The following TGFBR2 variants were observed in gnomAD, a reference collection of about 807,000 sequenced individuals.
The protein encoded by TGFBR2 is TGF-beta receptor type-2.
Under a neutral mutation model 49.0 loss-of-function variants are expected in TGFBR2, and 18 were observed. The observed-to-expected ratio is 0.37, with a 90% confidence interval of 0.25 to 0.54. TGFBR2 has a LOEUF of 0.54. TGFBR2 is among the 20% of genes least tolerant of loss of function. The pLI is 0.85. For missense variants in TGFBR2, 525 were observed against 722.6 expected, an observed-to-expected ratio of 0.73 and a Z score of 3.13; for synonymous variants, 282 against 275.9, an observed-to-expected ratio of 1.02 and a Z score of -0.22.
At chr3:30,626,237 A>G (rs2060859450) in intron 1 of TGFBR2, among the ~76,000 whole-genome samples, 1 of 152,232 alleles carries the variant, frequency 6.6e-6, no homozygotes, top group South Asian at 2.1e-4. Flanking sequence ...TACTGGGTTG[A>G]AAACTCCCAT....
At position 30,672,940 on chromosome 3, in the gene TGFBR2, G is replaced by A. The variant is rs759915690; in HGVS notation, c.1254+503G>A. Among the ~76,000 whole-genome samples, 2 of 152,158 alleles carry A rather than the reference G, an allele frequency of 1.3e-5. No homozygotes were observed. Among genetic ancestry groups the A allele is most frequent in the South Asian group, 2.1e-4 (1 of 4,820 alleles). On this transcript the variant is annotated intron_variant, in intron 4 of 6. Coordinates refer to ENST00000295754, the MANE Select transcript of TGFBR2 (RefSeq NM_003242.6). The surrounding 1 kb of genome is among the most constrained non-coding windows in gnomAD (Gnocchi z 4.5). ...ATTGAAAGTAAAATAAGTACTTGTCGACTGAGTGAGCACTTCCACTCTTGA... is the reference window on the plus strand; with the variant it reads ...ATTGAAAGTAAAATAAGTACTTGTCAACTGAGTGAGCACTTCCACTCTTGA...
intron 1 of TGFBR2, among the ~76,000 whole-genome samples, chr3:30,632,436 ACT>A (rs1698455372): frequency 6.6e-6 from 1 of 152,132 alleles, no homozygotes; most frequent in Non-Finnish European, 1.5e-5. Context: ...GATCCTAAAC[ACT>A]CTTGGCAACT....
At position 30,606,889 on chromosome 3, in the gene TGFBR2, T is replaced by C. The variant is rs758864131; in HGVS notation, c.6T>C (p.Gly2=). Residue 2 remains glycine, a synonymous_variant, in exon 1 of 7, where the codon GGT becomes GGC. Transcript: ENST00000295754. The part of the protein sequence containing the change: M[G]RGLLRGLWPL... ...GACGAGCAGCGGGGTCTGCCATGGGTCGGGGGCTGCTCAGGGGCCTGTGGC... is the reference window on the plus strand; with the variant it reads ...GACGAGCAGCGGGGTCTGCCATGGGCCGGGGGCTGCTCAGGGGCCTGTGGC... 31 of 1,568,904 alleles carry C rather than the reference T, an allele frequency of 2.0e-5. No homozygotes were observed. Among genetic ancestry groups the C allele is most frequent in the Non-Finnish European group, 2.5e-5 (29 of 1,154,560 alleles).
chr3:30,636,832 AG>A (rs1698542937), intron 1 of TGFBR2, among the ~76,000 whole-genome samples: 1 of 151,996 alleles, frequency 6.6e-6, no homozygotes, highest in African/African-American at 2.4e-5. Flanking sequence ...TGGGAGGCCA[AG>A]GTGGGCAGAT....
intron 4 of TGFBR2, 80 bp from the exon 5 acceptor site, chr3:30,674,025 G>T (rs1417657284): frequency 1.9e-6 from 3 of 1,571,322 alleles, no homozygotes; most frequent in African/African-American, 2.7e-5. Context: ...CACGTGTCAG[G>T]GGCCACCATC....
rs764512230 is a variant in TGFBR2 at position 30,692,135 on chromosome 3, C to T, written c.*536C>T. Reference sequence around the variant, plus strand: ...AGTGAACTTTGCATGAGGAAAGAGGCTCCATGTCTCACAGCCAGCTATGAC... The same window carrying T: ...AGTGAACTTTGCATGAGGAAAGAGGTTCCATGTCTCACAGCCAGCTATGAC... On this transcript the variant is annotated 3_prime_UTR_variant, in exon 7 of 7. Transcript: ENST00000295754. 11 of 224,990 alleles carry T rather than the reference C, an allele frequency of 4.9e-5. No homozygotes were observed. Among genetic ancestry groups the T allele is most frequent in the Non-Finnish European group, 8.0e-5 (9 of 112,790 alleles). 13.9% of individuals were successfully genotyped at this position (224,990 alleles called of 1,614,324 possible).
At chr3:30,675,504 A>G (rs1699421503) in intron 5 of TGFBR2, among the ~76,000 whole-genome samples, 1 of 151,560 alleles carries the variant, frequency 6.6e-6, no homozygotes, top group Admixed American at 6.6e-5. Flanking sequence ...CTCCTAGCTC[A>G]GCCTCTTGAG....
chr3:30,691,923 A>ATC lies in TGFBR2; in HGVS notation c.*325_*326insCT, dbSNP rs1699717156. 2 of 230,026 alleles carry ATC rather than the reference A, an allele frequency of 8.7e-6. No individual in the cohort carries two copies. The highest frequency in any genetic ancestry group is 2.3e-5 in the African/African-American group (1 of 44,098). The allele number at this position is 230,026 out of a possible 1,614,324, so 14.2% of individuals were successfully genotyped here. On this transcript the variant is annotated 3_prime_UTR_variant, in exon 7 of 7. Coordinates refer to ENST00000295754, the MANE Select transcript of TGFBR2 (RefSeq NM_003242.6). ...ATAGCTATGTTTTATATATATATAT[A>ATC]TATATCTATATATGTCTATAGCTCT...
chr3:30,606,360 T>C (rs964387937), upstream of TGFBR2: 11 of 223,776 alleles, frequency 4.9e-5, no homozygotes, highest in Admixed American at 2.3e-4. Context: ...TTAGTCATTC[T>C]TGAGTAAATA....
Position 30,676,927 on chromosome 3 carries a change from G to T in TGFBR2, c.1396+2681G>T, listed in dbSNP as rs962942571. Among the ~76,000 whole-genome samples, 1 of 152,202 alleles carries T rather than the reference G, an allele frequency of 6.6e-6. No homozygotes were observed. Among genetic ancestry groups the T allele is most frequent in the African/African-American group, 2.4e-5 (1 of 41,446 alleles). On this transcript the variant is annotated intron_variant, in intron 5 of 6. Coordinates refer to ENST00000295754, the MANE Select transcript of TGFBR2 (RefSeq NM_003242.6). This position sits in a 1 kb window ranked among gnomAD's most constrained non-coding sequence, Gnocchi z 4.3. ...TGTTTAACCAAGTTTCAGCCACTGA[G>T]AATAATTTTATGCTTGAAAGCTTTG... is the stretch of plus-strand genomic sequence containing the variant.
At chr3:30,638,607 C>T (rs976642709) in intron 1 of TGFBR2, among the ~76,000 whole-genome samples, 2 of 152,182 alleles carry the variant, frequency 1.3e-5, no homozygotes, top group African/African-American at 4.8e-5. Context: ...ATTAGAAGTT[C>T]CAATTAGAGT....
At chr3:30,646,277 A>G (rs1290046823) in intron 2 of TGFBR2, among the ~76,000 whole-genome samples, 1 of 152,238 alleles carries the variant, frequency 6.6e-6, no homozygotes, top group Non-Finnish European at 1.5e-5. Context: ...AAGACTTGTC[A>G]TGACATACTT....
intron 5 of TGFBR2, among the ~76,000 whole-genome samples, chr3:30,675,264 T>TC (rs1699415237): frequency 6.6e-6 from 1 of 152,228 alleles, no homozygotes; most frequent in South Asian, 2.1e-4. Context: ...CTGTCTCCTG[T>TC]CCACTATGTG....
At chr3:30,634,262 T>G (rs1698487128) in intron 1 of TGFBR2, among the ~76,000 whole-genome samples, 1 of 152,236 alleles carries the variant, frequency 6.6e-6, no homozygotes, top group African/African-American at 2.4e-5. Context: ...CTTTTAAAAA[T>G]CTGTTCTTAC....
intron 1 of TGFBR2, among the ~76,000 whole-genome samples, chr3:30,620,165 C>A (rs1019997004): frequency 6.6e-6 from 1 of 152,098 alleles, no homozygotes. Context: ...CCAGCCTAGG[C>A]GACAGAGTGA....
intron 5 of TGFBR2, among the ~76,000 whole-genome samples, chr3:30,678,786 A>G (rs1699486265): frequency 6.6e-6 from 1 of 152,290 alleles, no homozygotes; most frequent in Non-Finnish European, 1.5e-5. Context: ...TTTTTAAGCT[A>G]TGGAACATTA....
Position 30,625,011 on chromosome 3 carries a change from T to C in TGFBR2, c.94+18034T>C, listed in dbSNP as rs147981659. On this transcript the variant is annotated intron_variant, in intron 1 of 6. Coordinates refer to ENST00000295754, the MANE Select transcript of TGFBR2 (RefSeq NM_003242.6). ...CTTCAAACTGTAATAAATTTCAGTG[T>C]TACCTTTTTCTGAACGCCCTTTTTA... is the stretch of plus-strand genomic sequence containing the variant. 1.1e-3 allele frequency among the ~76,000 whole-genome samples: 160 copies of C among 152,330 alleles called. 3 individuals are homozygous for C. Among genetic ancestry groups the C allele is most frequent in the African/African-American group, 3.6e-3 (148 of 41,582 alleles).
At position 30,672,479 on chromosome 3, in the gene TGFBR2, G is replaced by A. The variant is rs765237105; in HGVS notation, c.1254+42G>A. The A allele has an allele frequency of 3.6e-5, 58 of 1,596,254 alleles. No homozygotes were observed. The highest frequency in any genetic ancestry group is 4.6e-5 in the Non-Finnish European group (54 of 1,164,106). On this transcript the variant is annotated intron_variant, in intron 4 of 6. Transcript: ENST00000295754. The surrounding 1 kb of genome is among the most constrained non-coding windows in gnomAD (Gnocchi z 4.5). ...GCTAGATCCCCTTTACCTTGAGCCTGGCCTCACCCTACCTCTTGATCCATA... is the reference window on the plus strand; with the variant it reads ...GCTAGATCCCCTTTACCTTGAGCCTAGCCTCACCCTACCTCTTGATCCATA...
chr3:30,673,088 G>C (rs561495508), intron 4 of TGFBR2, among the ~76,000 whole-genome samples: 1 of 152,200 alleles, frequency 6.6e-6, no homozygotes, highest in African/African-American at 2.4e-5. Context: ...GGAGTCCATG[G>C]AGAGCAGCAC....
Sources: gnomAD v4.1 joint callset for allele counts (sites outside exome capture counted in the v4.1 genomes callset) on GRCh38, gnomAD v4.1.1 for gene constraint, Gnocchi (gnomAD v3.1) non-coding constraint, MANE v1.5 for transcripts, NCBI Gene and HGNC (gene_info 2026-07-23, HGNC 2026-07-21) for gene names.